Variants in ATF2 observed in about 807,000 individuals in gnomAD.
The protein encoded by ATF2 is cyclic AMP-dependent transcription factor ATF-2.
A neutral mutation model predicts 60.6 loss-of-function variants in ATF2; 24 were observed. That is an observed-to-expected ratio of 0.40 (90% CI 0.29 to 0.56). The LOEUF (loss-of-function observed/expected upper bound fraction) is 0.56. ATF2 is among the 20% of genes least tolerant of loss of function. ATF2 has a pLI of 0.54. For synonymous variants in ATF2, 206 were observed against 215.4 expected (o/e 0.96, Z 0.38); for missense variants, 433 against 607.7 (o/e 0.71, Z 3.02).
At chr2:175,078,330 T>C (rs1559043816) in intron 13 of ATF2, among the ~76,000 whole-genome samples, 1 of 152,204 alleles carries the variant, frequency 6.6e-6, no homozygotes, top group East Asian at 1.9e-4. Flanking sequence ...GAAGCTTTTC[T>C]TCCCATTTAT....
intron 1 of ATF2, among the ~76,000 whole-genome samples, chr2:175,161,076 T>C (rs113585204): frequency 0.04 from 6,084 of 152,264 alleles, 393 homozygotes; most frequent in African/African-American, 0.14. Context: ...AAAATCACAG[T>C]ATCATAATTT....
intron 1 of ATF2, among the ~76,000 whole-genome samples, chr2:175,151,981 T>C (rs538704934): frequency 1.3e-5 from 2 of 152,284 alleles, no homozygotes; most frequent in East Asian, 3.9e-4. Flanking sequence ...AAACTTTTAT[T>C]TACATTTCAT....
intron 10 of ATF2, among the ~76,000 whole-genome samples, chr2:175,108,449 T>C (rs1695893822): frequency 7.0e-6 from 1 of 143,358 alleles, no homozygotes; most frequent in South Asian, 2.3e-4. Flanking sequence ...AGCAGCCCCG[T>C]CCGGGAGGGA....
Position 175,080,731 on chromosome 2 carries a change from T to C in ATF2, c.1220A>G (p.Gln407Arg). 6.2e-7 allele frequency: 1 copy of C among 1,613,216 alleles called. No homozygotes were observed. The highest frequency in any genetic ancestry group is 8.5e-7 in the Non-Finnish European group (1 of 1,179,424). The change falls in exon 13 of 14, where the codon CAG becomes CGG. Residue 407 changes from glutamine (Q) to arginine (R), a missense_variant. Physicochemically the swap from Gln to Arg is conservative, Grantham distance 43 (BLOSUM62 1). Around this residue, in one of 5 missense-constraint regions of ATF2, gnomAD observed 24 missense variants for 75.4 expected, o/e 0.32. Transcript: ENST00000264110. ...EVTLLRNEVA[Q>R]LKQLLLAHKD... ...ATGAGCCAGAAGAAGCTGTTTCAGC[T>C]GTGCCACTTCATTTCTCAGCAGGGT... is the stretch of plus-strand genomic sequence containing the variant.
chr2:175,157,947 G>A (rs1699786382), intron 1 of ATF2, among the ~76,000 whole-genome samples: 3 of 151,752 alleles, frequency 2.0e-5, no homozygotes, highest in South Asian at 2.1e-4. Flanking sequence ...AGCCGAGATC[G>A]CGCTACTGCA....
chr2:175,075,075 G>A (rs1166133875), intron 13 of ATF2: 4 of 1,347,478 alleles, frequency 3.0e-6, no homozygotes, highest in Non-Finnish European at 3.8e-6. Flanking sequence ...GAATAGAGCT[G>A]AAGAAATATT....
chr2:175,149,452 G>A (rs1699163114), intron 2 of ATF2, among the ~76,000 whole-genome samples: 1 of 152,192 alleles, frequency 6.6e-6, no homozygotes, highest in African/African-American at 2.4e-5. Flanking sequence ...AAATCAAGAG[G>A]AGGATTTTTG....
intron 1 of ATF2, among the ~76,000 whole-genome samples, chr2:175,156,236 T>C (rs1699668723): frequency 6.6e-6 from 1 of 151,932 alleles, no homozygotes; most frequent in Admixed American, 6.5e-5. Context: ...CCAGGCGTGG[T>C]GGCGGGTGCC....
At chr2:175,160,471 TCAA>T (rs775835564) in intron 1 of ATF2, among the ~76,000 whole-genome samples, 1 of 152,146 alleles carries the variant, frequency 6.6e-6, no homozygotes, top group Non-Finnish European at 1.5e-5. Flanking sequence ...TCAAAGTATG[TCAA>T]AATTCAAGTA....
intron 4 of ATF2, among the ~76,000 whole-genome samples, chr2:175,126,600 C>T (rs898181821): frequency 6.6e-6 from 1 of 152,140 alleles, no homozygotes; most frequent in Non-Finnish European, 1.5e-5. Flanking sequence ...GATACACATA[C>T]ACACACAAAT....
At chr2:175,122,112 A>G (rs1373069497) in intron 4 of ATF2, among the ~76,000 whole-genome samples, 2 of 151,996 alleles carry the variant, frequency 1.3e-5, no homozygotes, top group African/African-American at 4.8e-5. Context: ...CTCATTTTAA[A>G]ATAAAAAAAT....
At chr2:175,134,626 G>C (rs530585994) in intron 3 of ATF2, among the ~76,000 whole-genome samples, 43 of 151,408 alleles carry the variant, frequency 2.8e-4, no homozygotes, top group African/African-American at 1.0e-3. Flanking sequence ...AGTAACCAAA[G>C]AGTTGATGAA....
Position 175,121,487 on chromosome 2 carries a change from T to G in ATF2, c.156A>C (p.Thr52=). ...CATTACGTGCTGGACCAAATTTCAG[T>G]GTCATCTCATGTTTATGTTTATGGA... The part of the protein sequence containing the change: ...LAVHKHKHEM[T]LKFGPARNDS... The change falls in exon 5 of 14, where the codon ACA becomes ACC. Residue 52 remains threonine, a synonymous_variant. Coordinates refer to ENST00000264110, the MANE Select transcript of ATF2 (RefSeq NM_001880.4). 1 of 1,605,194 alleles carries G rather than the reference T, an allele frequency of 6.2e-7. No homozygotes were observed. The highest frequency in any genetic ancestry group is 8.5e-7 in the Non-Finnish European group (1 of 1,174,982).
intron 12 of ATF2, among the ~76,000 whole-genome samples, chr2:175,087,181 A>G (rs1675819576): frequency 6.6e-6 from 1 of 152,222 alleles, no homozygotes; most frequent in African/African-American, 2.4e-5. Flanking sequence ...GTGAGTTAGT[A>G]TACTTGCAGG....
intron 3 of ATF2, among the ~76,000 whole-genome samples, chr2:175,133,129 T>A (rs1172790409): frequency 2.0e-5 from 3 of 151,840 alleles, no homozygotes; most frequent in Non-Finnish European, 4.4e-5. Flanking sequence ...ATCCCAGTGC[T>A]TTTATGTATG....
At chr2:175,085,995 C>G (rs1694145295) in intron 12 of ATF2, among the ~76,000 whole-genome samples, 1 of 152,114 alleles carries the variant, frequency 6.6e-6, no homozygotes, top group Non-Finnish European at 1.5e-5. Flanking sequence ...GTATAATATA[C>G]AAGCATGCTG....
At chr2:175,075,066 A>G (rs1693201785) in intron 13 of ATF2, 1 of 1,369,110 alleles carries the variant, frequency 7.3e-7, no homozygotes. Context: ...TGCCTTATGG[A>G]ATAGAGCTGA....
chr2:175,149,371 C>T (rs1699157427), intron 2 of ATF2, among the ~76,000 whole-genome samples: 1 of 152,220 alleles, frequency 6.6e-6, no homozygotes, highest in African/African-American at 2.4e-5. Flanking sequence ...CCCAGTCTCC[C>T]ACTCCCCCAT....
chr2:175,137,734 C>T (rs142664414), intron 2 of ATF2, among the ~76,000 whole-genome samples: 1 of 152,194 alleles, frequency 6.6e-6, no homozygotes, highest in African/African-American at 2.4e-5. Context: ...ATCTTTTCTA[C>T]TCTCCACTAT....
Sources: allele counts gnomAD v4.1 joint callset (sites outside exome capture counted in the v4.1 genomes callset), GRCh38; gene constraint gnomAD v4.1.1; regional missense constraint gnomAD v4.1.1; transcripts MANE v1.5; gene names NCBI Gene and HGNC (gene_info 2026-07-23, HGNC 2026-07-21).